PCDHGB6: variants seen among roughly 807,000 people sequenced by gnomAD.
PCDHGB6 encodes protocadherin gamma-B6.
In PCDHGB6, 51 loss-of-function variants were observed where a neutral mutation model predicts 59.1. The observed-to-expected ratio is 0.86, with a 90% CI of 0.69 to 1.09. The LOEUF (loss-of-function observed/expected upper bound fraction) is 1.09, where lower values mean the gene tolerates loss of function less well. Ranked by LOEUF, PCDHGB6 falls within the 50% of genes least tolerant of loss-of-function variation. The probability of loss-of-function intolerance (pLI) is 0.00; values close to 1 mark genes in which losing one functional copy is unlikely to be tolerated. For synonymous variants in PCDHGB6, 466 were observed against 495.1 expected (o/e 0.94, Z 0.78); for missense variants, 1,148 against 1,205.1 (o/e 0.95, Z 0.70).
chr5:141,473,151 T>C (rs2099315238), intron 1 of PCDHGB6, among the ~76,000 whole-genome samples: 1 of 152,242 alleles, frequency 6.6e-6, no homozygotes. Context: ...TTCAGATCAC[T>C]AGGGCTAGGA....
rs759220286 is a variant in PCDHGB6 at position 141,490,018 on chromosome 5, C to G, written c.2419-4789C>G. The G allele has an allele frequency of 6.2e-7, 1 of 1,614,252 alleles. No individual in the cohort carries two copies. Among genetic ancestry groups the G allele is most frequent in the Non-Finnish European group, 8.5e-7 (1 of 1,180,038 alleles). ...CCCAGAGAATGCACCCATTGGTACTCTGCTGCTCCGCCTCAATGCCACTGA... is the reference window on the plus strand; with the variant it reads ...CCCAGAGAATGCACCCATTGGTACTGTGCTGCTCCGCCTCAATGCCACTGA... On this transcript the variant is annotated intron_variant, in intron 1 of 3. Transcript: ENST00000520790. This position sits in a 1 kb window ranked among gnomAD's most constrained non-coding sequence, Gnocchi z 5.4.
chr5:141,433,090 C>T, intron 1 of PCDHGB6: 2 of 1,614,210 alleles, frequency 1.2e-6, no homozygotes, highest in Non-Finnish European at 1.7e-6. Flanking sequence ...ACTATGCAGA[C>T]ATGCTCGTCA....
chr5:141,465,440 A>T (rs1478987071), intron 1 of PCDHGB6, among the ~76,000 whole-genome samples: 1 of 152,194 alleles, frequency 6.6e-6, no homozygotes, highest in Non-Finnish European at 1.5e-5. Flanking sequence ...CTTAATGATT[A>T]CCCAAGAAAA....
intron 1 of PCDHGB6, among the ~76,000 whole-genome samples, chr5:141,480,730 G>T (rs1261461187): frequency 6.6e-6 from 1 of 152,168 alleles, no homozygotes; most frequent in Non-Finnish European, 1.5e-5. Flanking sequence ...GTCTCTGGGG[G>T]TGGGACATAG....
intron 1 of PCDHGB6, among the ~76,000 whole-genome samples, chr5:141,449,579 ACT>A (rs370512396): frequency 0.052 from 7,360 of 141,924 alleles, 400 homozygotes; most frequent in African/African-American, 0.14. Flanking sequence ...ACAGAGCAAG[ACT>A]CTGTCTCAAA....
At chr5:141,459,603 A>G (rs867387156) in intron 1 of PCDHGB6, among the ~76,000 whole-genome samples, 1 of 152,244 alleles carries the variant, frequency 6.6e-6, no homozygotes, top group Non-Finnish European at 1.5e-5. Flanking sequence ...AATGGGAAGT[A>G]TATGCTTAAC....
intron 1 of PCDHGB6, chr5:141,478,523 G>T (rs2099461821): frequency 6.2e-7 from 1 of 1,609,908 alleles, no homozygotes; most frequent in Non-Finnish European, 8.5e-7. Context: ...GGTGTTGGGT[G>T]CAGAGAGCGC....
intron 1 of PCDHGB6, among the ~76,000 whole-genome samples, chr5:141,474,511 C>T (rs2099350824): frequency 6.6e-6 from 1 of 152,202 alleles, no homozygotes; most frequent in Non-Finnish European, 1.5e-5. Context: ...TATCAGCCCT[C>T]TTGCTGGTCT....
chr5:141,447,226 G>A (rs746777844), intron 1 of PCDHGB6, among the ~76,000 whole-genome samples: 1 of 151,910 alleles, frequency 6.6e-6, no homozygotes, highest in Non-Finnish European at 1.5e-5. Context: ...TGCAACCTCC[G>A]CCTCCCGGGT....
rs528779386 is a variant in PCDHGB6, at chr5:141,509,416, C to T, written c.2567-1531C>T. Among the ~76,000 whole-genome samples, 4 of 152,258 alleles carry T rather than the reference C, an allele frequency of 2.6e-5. No individual in the cohort carries two copies. In the East Asian group the frequency reaches 7.7e-4, roughly 29 times the overall value. ...TCTCAGGGCCTCCAGCAGCGAGCCCCAATGAGTCAAACTCTTGTTTCCTCC... is the reference window on the plus strand; with the variant it reads ...TCTCAGGGCCTCCAGCAGCGAGCCCTAATGAGTCAAACTCTTGTTTCCTCC... On this transcript the variant is annotated intron_variant, in intron 3 of 3. Transcript: ENST00000520790.
intron 1 of PCDHGB6, among the ~76,000 whole-genome samples, chr5:141,473,757 T>C (rs993403397): frequency 6.6e-6 from 1 of 152,240 alleles, no homozygotes; most frequent in Non-Finnish European, 1.5e-5. Context: ...TTGGATACTA[T>C]GCAAAGGATT....
chr5:141,454,956 G>A (rs62379171), intron 1 of PCDHGB6, among the ~76,000 whole-genome samples: 5,077 of 149,940 alleles, frequency 0.034, 97 homozygotes, highest in Middle Eastern at 0.091. Context: ...TACAGGCGCC[G>A]GCCACCACGC....
chr5:141,450,823 A>AT (rs1453980247), intron 1 of PCDHGB6, among the ~76,000 whole-genome samples: 4 of 133,078 alleles, frequency 3.0e-5, no homozygotes, highest in African/African-American at 1.2e-4. Context: ...TAATATTATT[A>AT]TTATTATTTT....
intron 1 of PCDHGB6, chr5:141,427,535 C>T (rs746067304): frequency 8.0e-6 from 5 of 626,498 alleles, no homozygotes; most frequent in South Asian, 7.6e-5. Flanking sequence ...CGGAGTACAA[C>T]GTCACCATCA....
chr5:141,483,573 G>A (rs2099583012), intron 1 of PCDHGB6, among the ~76,000 whole-genome samples: 1 of 152,072 alleles, frequency 6.6e-6, no homozygotes, highest in Non-Finnish European at 1.5e-5. Context: ...GTGAATTCTG[G>A]CATAAACACC....
rs150692324 is a variant in PCDHGB6 at position 141,431,149 on chromosome 5, G to T, written c.2418+20529G>T. 1.2e-6 allele frequency: 2 copies of T among 1,614,210 alleles called. No homozygotes were observed. Among genetic ancestry groups the T allele is most frequent in the Non-Finnish European group, 1.7e-6 (2 of 1,180,020 alleles). ...AAGTAAGGGACATTAACGACAATGC[G>T]CCTTACTTTCGTGAAAGTGAATTAG... On this transcript the variant is annotated intron_variant, in intron 1 of 3. Coordinates refer to ENST00000520790, the MANE Select transcript of PCDHGB6 (RefSeq NM_018926.3). This position sits in a 1 kb window ranked among gnomAD's most constrained non-coding sequence, Gnocchi z 4.8.
intron 1 of PCDHGB6, chr5:141,426,692 C>T: frequency 2.3e-6 from 1 of 435,472 alleles, no homozygotes; most frequent in Non-Finnish European, 4.7e-6. Flanking sequence ...CCCAAAATAG[C>T]ATTGTTTTAC....
chr5:141,499,260 G>T (rs2099790657), intron 2 of PCDHGB6, among the ~76,000 whole-genome samples: 1 of 152,028 alleles, frequency 6.6e-6, no homozygotes, highest in African/African-American at 2.4e-5. Context: ...GTCTCCATTT[G>T]GTCCCTAGAC....
chr5:141,466,148 G>A (rs1201643685), intron 1 of PCDHGB6, among the ~76,000 whole-genome samples: 1 of 151,814 alleles, frequency 6.6e-6, no homozygotes, highest in Non-Finnish European at 1.5e-5. Flanking sequence ...GAAAACTCTG[G>A]TCTTAAACTG....
Sources: gnomAD v4.1 joint callset for allele counts (sites outside exome capture counted in the v4.1 genomes callset) on GRCh38, gnomAD v4.1.1 for gene constraint, Gnocchi (gnomAD v3.1) non-coding constraint, MANE v1.5 for transcripts, NCBI Gene and HGNC (gene_info 2026-07-23, HGNC 2026-07-21) for gene names.